The following JUNB variants were observed in gnomAD, a reference collection of about 807,000 sequenced individuals.
JUNB encodes the protein transcription factor JunB.
A neutral mutation model predicts 16.4 loss-of-function variants in JUNB; 6 were observed. That is an observed-to-expected ratio of 0.37 (90% CI 0.20 to 0.72). The LOEUF (loss-of-function observed/expected upper bound fraction) is 0.72. JUNB is among the 30% of genes least tolerant of loss of function. The pLI, the probability that JUNB is intolerant of heterozygous loss-of-function variation, is 0.53. For synonymous variants in JUNB, 226 were observed against 232.8 expected, an observed-to-expected ratio of 0.97 and a Z score of 0.27; for missense variants, 389 against 492.9, an observed-to-expected ratio of 0.79 and a Z score of 2.00.
rs751179343 is a variant in JUNB, at chr19:12,791,807, C to T, written c.36C>T (p.Asp12=). ...AAATGGAACAGCCCTTCTACCACGA[C>T]GACTCATACACAGCTACGGGATACG... ...CTKMEQPFYH[D]DSYTATGYGR... Residue 12 remains aspartate (D), a synonymous_variant, in exon 1 of 1, where the codon GAC becomes GAT. Coordinates refer to ENST00000302754, the MANE Select transcript of JUNB (RefSeq NM_002229.3). This position sits in a 1 kb window ranked among gnomAD's most constrained non-coding sequence, Gnocchi z 7.0. 35 of 1,612,664 alleles carry T rather than the reference C, an allele frequency of 2.2e-5. No individual in the cohort carries two copies. Among genetic ancestry groups the T allele is most frequent in the Admixed American group, 2.0e-4 (12 of 59,838 alleles).
In JUNB at chr19:12,792,687, G is replaced by T; in HGVS notation, c.916G>T (p.Glu306Ter). ...GGACAAGGTGAAGACGCTCAAGGCC[G>T]AGAACGCGGGGCTGTCGAGTACCGC... ...LEDKVKTLKA[E>*]NAGLSSTAGL... The change falls in exon 1 of 1, where the codon GAG (glutamate) becomes TAG (stop). Residue 306 changes from glutamate (E) to a stop codon, truncating the protein, a stop_gained. Transcript: ENST00000302754. LOFTEE classifies it high-confidence loss of function. 6.3e-7 allele frequency: 1 copy of T among 1,588,560 alleles called. No individual in the cohort carries two copies. Among genetic ancestry groups the T allele is most frequent in the Non-Finnish European group, 8.6e-7 (1 of 1,168,428 alleles).
chr19:12,791,545 A>C lies in JUNB; in HGVS notation c.-227A>C. On this transcript the variant is annotated 5_prime_UTR_variant, in exon 1 of 1. Transcript: ENST00000302754. This position sits in a 1 kb window ranked among gnomAD's most constrained non-coding sequence, Gnocchi z 7.0. ...CAGCAGGGAGCTGGGAGCTGGGGGA[A>C]ACGACGCCAGGAAAGCTATCGCGCC... 2.1e-6 allele frequency: 1 copy of C among 477,624 alleles called. No individual in the cohort carries two copies. 29.6% of individuals were successfully genotyped at this position (477,624 alleles called of 1,614,324 possible).
chr19:12,792,852 G>T lies in JUNB; in HGVS notation c.*37G>T. ...CCCTTTACGGACACCCCCTCGCTTG[G>T]ACGGCTGGGCACACGCCTCCCACTG... is the stretch of plus-strand genomic sequence containing the variant. On this transcript the variant is annotated 3_prime_UTR_variant, in exon 1 of 1. Transcript: ENST00000302754. 3 of 1,568,748 alleles carry T rather than the reference G, an allele frequency of 1.9e-6. No individual in the cohort carries two copies. Among genetic ancestry groups the T allele is most frequent in the Non-Finnish European group, 2.6e-6 (3 of 1,151,010 alleles).
Position 12,791,661 on chromosome 19 carries a change from C to A in JUNB, c.-111C>A. ...ACCCGCCCGCGCCAGCCCCCGAGAA[C>A]GCGCGACCAGGCACCCAGTCCGGTC... On this transcript the variant is annotated 5_prime_UTR_variant, in exon 1 of 1. Coordinates refer to ENST00000302754, the MANE Select transcript of JUNB (RefSeq NM_002229.3). The surrounding 1 kb of genome is among the most constrained non-coding windows in gnomAD (Gnocchi z 7.0). 1.3e-6 allele frequency: 1 copy of A among 754,830 alleles called. No individual in the cohort carries two copies. The highest frequency in any genetic ancestry group is 2.0e-6 in the Non-Finnish European group (1 of 505,918). 46.8% of individuals were successfully genotyped at this position (754,830 alleles called of 1,614,324 possible). A position where few individuals can be genotyped will look rare whatever the true frequency, so the allele number is the denominator to read the frequency against.
At position 12,792,417 on chromosome 19, in the gene JUNB, C is replaced by G; in HGVS notation, c.646C>G (p.Leu216Val). 1 of 1,601,850 alleles carries G rather than the reference C, an allele frequency of 6.2e-7. No homozygotes were observed. The highest frequency in any genetic ancestry group is 8.5e-7 in the Non-Finnish European group (1 of 1,177,306). ...SSYPTTTISY[L>V]PHAPPFAGGH... Reference sequence around the variant, plus strand: ...GTACCCGACGACCACCATCAGCTACCTCCCACACGCGCCGCCCTTCGCCGG... The same window carrying G: ...GTACCCGACGACCACCATCAGCTACGTCCCACACGCGCCGCCCTTCGCCGG... The change falls in exon 1 of 1, where the codon CTC (leucine) becomes GTC (valine). Residue 216 changes from leucine (L) to valine (V), a missense_variant. Physicochemically the swap from Leu to Val is conservative, Grantham distance 32. Transcript: ENST00000302754.
Position 12,792,956 on chromosome 19 carries a change from C to T in JUNB, c.*141C>T, listed in dbSNP as rs1968739030. ...ACCACACTGGACTCCGGCCCTCCTACCCTGCGCCCAGTCCTTCCACCTCGA... is the reference window on the plus strand; with the variant it reads ...ACCACACTGGACTCCGGCCCTCCTATCCTGCGCCCAGTCCTTCCACCTCGA... On this transcript the variant is annotated 3_prime_UTR_variant, in exon 1 of 1. Coordinates refer to ENST00000302754, the MANE Select transcript of JUNB (RefSeq NM_002229.3). 1 of 884,294 alleles carries T rather than the reference C, an allele frequency of 1.1e-6. No individual in the cohort carries two copies. The highest frequency in any genetic ancestry group is 1.7e-6 in the Non-Finnish European group (1 of 585,272). The allele number at this position is 884,294 out of a possible 1,614,324, so 54.8% of individuals were successfully genotyped here.
In JUNB at chr19:12,792,929, A is replaced by C; in HGVS notation, c.*114A>C. 1 of 1,227,898 alleles carries C rather than the reference A, an allele frequency of 8.1e-7. No individual in the cohort carries two copies. The highest frequency in any genetic ancestry group is 1.5e-5 in the South Asian group (1 of 64,914). The allele number at this position is 1,227,898 out of a possible 1,614,324, so 76.1% of individuals were successfully genotyped here. ...CCACCCTGGGACCTAGGGGCGCCGC[A>C]AACCACACTGGACTCCGGCCCTCCT... On this transcript the variant is annotated 3_prime_UTR_variant, in exon 1 of 1. Coordinates refer to ENST00000302754, the MANE Select transcript of JUNB (RefSeq NM_002229.3).
Position 12,792,743 on chromosome 19 carries a change from C to T in JUNB, c.972C>T (p.Leu324=). 6.2e-7 allele frequency: 1 copy of T among 1,611,744 alleles called. No homozygotes were observed. The highest frequency in any genetic ancestry group is 8.5e-7 in the Non-Finnish European group (1 of 1,179,196). ...TCCTCCGGGAGCAGGTGGCCCAGCT[C>T]AAACAGAAGGTCATGACCCACGTCA... ...AGLLREQVAQ[L]KQKVMTHVSN... Residue 324 remains leucine (L), a synonymous_variant, in exon 1 of 1, where the codon CTC becomes CTT. Transcript: ENST00000302754.
Position 12,792,209 on chromosome 19 carries a change from G to A in JUNB, c.438G>A (p.Leu146=). Residue 146 remains leucine (L), a synonymous_variant, in exon 1 of 1, where the codon CTG becomes CTA. Transcript: ENST00000302754. Reference sequence around the variant, plus strand: ...GCTTTGTCAAAGCCCTGGACGATCTGCACAAGATGAACCACGTGACACCCC... The same window carrying A: ...GCTTTGTCAAAGCCCTGGACGATCTACACAAGATGAACCACGTGACACCCC... The part of the protein sequence containing the change: ...ADGFVKALDD[L]HKMNHVTPPN... 6.4e-7 allele frequency: 1 copy of A among 1,557,226 alleles called. No homozygotes were observed. The highest frequency in any genetic ancestry group is 8.7e-7 in the Non-Finnish European group (1 of 1,149,646).
rs1413331290 is a variant in JUNB at position 12,792,639 on chromosome 19, C to T, written c.868C>T (p.Leu290=). ...GGCCACCAAGTGCCGGAAGCGGAAG[C>T]TGGAGCGCATCGCGCGCCTGGAGGA... ...LAATKCRKRK[L]ERIARLEDKV... is the part of the protein sequence containing the mutation. The change falls in exon 1 of 1, where the codon CTG becomes TTG. Residue 290 remains leucine, a synonymous_variant. Transcript: ENST00000302754. 6.4e-7 allele frequency: 1 copy of T among 1,562,234 alleles called. No homozygotes were observed. The highest frequency in any genetic ancestry group is 8.7e-7 in the Non-Finnish European group (1 of 1,154,666).
rs1348329488 is a variant in JUNB, at chr19:12,792,364, C to G, written c.593C>G (p.Ala198Gly). The G allele has an allele frequency of 1.9e-6, 3 of 1,551,604 alleles. No homozygotes were observed. Among genetic ancestry groups the G allele is most frequent in the Non-Finnish European group, 8.7e-7 (1 of 1,149,522 alleles). ...YSPASASSGGAGAAVGTGSSY... is the reference protein window; with the variant it reads ...YSPASASSGGGGAAVGTGSSY... Reference sequence around the variant, plus strand: ...CCAGCCTCTGCGTCCTCGGGAGGCGCCGGGGCTGCCGTCGGGACCGGGAGC... The same window carrying G: ...CCAGCCTCTGCGTCCTCGGGAGGCGGCGGGGCTGCCGTCGGGACCGGGAGC... Residue 198 changes from alanine to glycine, a missense_variant, in exon 1 of 1, where the codon GCC (alanine) becomes GGC (glycine). Coordinates refer to ENST00000302754, the MANE Select transcript of JUNB (RefSeq NM_002229.3).
In JUNB at chr19:12,792,253, C is replaced by G; in HGVS notation, c.482C>G (p.Ala161Gly). The change falls in exon 1 of 1, where the codon GCT becomes GGT. Residue 161 changes from alanine to glycine, a missense_variant. Physicochemically the swap from Ala to Gly is moderately conservative, Grantham distance 60. Around this residue, in one of 2 missense-constraint regions of JUNB, gnomAD observed 349 missense variants for 389.8 expected, o/e 0.90. Coordinates refer to ENST00000302754, the MANE Select transcript of JUNB (RefSeq NM_002229.3). ...ACACCCCCCAACGTGTCCCTGGGCGCTACCGGGGGGCCCCCGGCTGGGCCC... is the reference window on the plus strand; with the variant it reads ...ACACCCCCCAACGTGTCCCTGGGCGGTACCGGGGGGCCCCCGGCTGGGCCC... ...HVTPPNVSLG[A>G]TGGPPAGPGG... is the part of the protein sequence containing the mutation. 6.7e-7 allele frequency: 1 copy of G among 1,502,450 alleles called. No individual in the cohort carries two copies. Among genetic ancestry groups the G allele is most frequent in the South Asian group, 1.3e-5 (1 of 78,408 alleles). 93.1% of individuals were successfully genotyped at this position (1,502,450 alleles called of 1,614,324 possible).
Position 12,792,028 on chromosome 19 carries a change from A to G in JUNB, c.257A>G (p.Glu86Gly). Reference protein sequence around the residue: ...TGASLKLASSELERLIVPNSN... With the variant: ...TGASLKLASSGLERLIVPNSN... ...GCGTCTCTCAAGCTCGCCTCTTCGG[A>G]GCTGGAACGCCTGATTGTCCCCAAC... is the stretch of plus-strand genomic sequence containing the variant. Residue 86 changes from glutamate to glycine, a missense_variant, in exon 1 of 1, where the codon GAG becomes GGG. This residue lies in a region of JUNB where 349 missense variants were observed against 389.8 expected (regional missense o/e 0.90). Coordinates refer to ENST00000302754, the MANE Select transcript of JUNB (RefSeq NM_002229.3). 1 of 1,611,286 alleles carries G rather than the reference A, an allele frequency of 6.2e-7. No homozygotes were observed. The highest frequency in any genetic ancestry group is 8.5e-7 in the Non-Finnish European group (1 of 1,179,320).
At position 12,791,525 on chromosome 19, in the gene JUNB, G is replaced by A; in HGVS notation, c.-247G>A. ...GGCCAGGCCAGCCTCGGAGCCAGCA[G>A]GGAGCTGGGAGCTGGGGGAAACGAC... On this transcript the variant is annotated 5_prime_UTR_variant, in exon 1 of 1. Transcript: ENST00000302754. The surrounding 1 kb of genome is among the most constrained non-coding windows in gnomAD (Gnocchi z 7.0). The A allele has an allele frequency of 2.2e-6, 1 of 454,938 alleles. No homozygotes were observed. The highest frequency in any genetic ancestry group is 3.9e-6 in the Non-Finnish European group (1 of 257,596). The allele number at this position is 454,938 out of a possible 1,614,324, so 28.2% of individuals were successfully genotyped here. A position where few individuals can be genotyped will look rare whatever the true frequency, so the allele number is the denominator to read the frequency against.
At position 12,792,422 on chromosome 19, in the gene JUNB, A is replaced by C; in HGVS notation, c.651A>C (p.Pro217=). Residue 217 remains proline, a synonymous_variant, in exon 1 of 1, where the codon CCA becomes CCC. Transcript: ENST00000302754. The part of the protein sequence containing the change: ...SYPTTTISYL[P]HAPPFAGGHP... ...CGACGACCACCATCAGCTACCTCCC[A>C]CACGCGCCGCCCTTCGCCGGTGGCC... 6.2e-7 allele frequency: 1 copy of C among 1,601,806 alleles called. No homozygotes were observed. The highest frequency in any genetic ancestry group is 8.5e-7 in the Non-Finnish European group (1 of 1,177,326).
In JUNB at chr19:12,793,017, G is replaced by T; in HGVS notation, c.*202G>T. ...CCCCCCCTTCCACTTTTTTTTGTAT[G>T]TTTTTTTTCTGCTGGAAACAGACTC... On this transcript the variant is annotated 3_prime_UTR_variant, in exon 1 of 1. Coordinates refer to ENST00000302754, the MANE Select transcript of JUNB (RefSeq NM_002229.3). The surrounding 1 kb of genome is among the most constrained non-coding windows in gnomAD (Gnocchi z 6.1). 1.7e-6 allele frequency: 1 copy of T among 576,754 alleles called. No homozygotes were observed. The highest frequency in any genetic ancestry group is 3.2e-6 in the Non-Finnish European group (1 of 316,900). The allele number at this position is 576,754 out of a possible 1,614,324, so 35.7% of individuals were successfully genotyped here.
Position 12,791,944 on chromosome 19 carries a change from C to G in JUNB, c.173C>G (p.Pro58Arg), listed in dbSNP as rs917127281. Residue 58 changes from proline (P) to arginine (R), a missense_variant, in exon 1 of 1, where the codon CCC becomes CGC. Pro to Arg is a moderately radical substitution (Grantham distance 103). Around this residue, in one of 2 missense-constraint regions of JUNB, gnomAD observed 349 missense variants for 389.8 expected, o/e 0.90. Coordinates refer to ENST00000302754, the MANE Select transcript of JUNB (RefSeq NM_002229.3). This position sits in a 1 kb window ranked among gnomAD's most constrained non-coding sequence, Gnocchi z 7.0. The part of the protein sequence containing the change: ...RSLKAPGARG[P>R]GPEGGGGGSY... ...CTCAAAGCGCCTGGGGCTCGCGGAC[C>G]CGGCCCAGAGGGCGGCGGTGGCGGC... 20 of 1,611,380 alleles carry G rather than the reference C, an allele frequency of 1.2e-5. No individual in the cohort carries two copies. The highest frequency in any genetic ancestry group is 1.7e-5 in the Non-Finnish European group (20 of 1,179,486).
chr19:12,791,961 G>A lies in JUNB; in HGVS notation c.190G>A (p.Gly64Ser). ...TCGCGGACCCGGCCCAGAGGGCGGCGGTGGCGGCAGCTACTTTTCTGGTCA... is the reference window on the plus strand; with the variant it reads ...TCGCGGACCCGGCCCAGAGGGCGGCAGTGGCGGCAGCTACTTTTCTGGTCA... ...GARGPGPEGG[G>S]GGSYFSGQGS... The change falls in exon 1 of 1, where the codon GGT becomes AGT. Residue 64 changes from glycine to serine, a missense_variant. Physicochemically the swap from Gly to Ser is moderately conservative, Grantham distance 56. Around this residue, in one of 2 missense-constraint regions of JUNB, gnomAD observed 349 missense variants for 389.8 expected, o/e 0.90. Coordinates refer to ENST00000302754, the MANE Select transcript of JUNB (RefSeq NM_002229.3). The surrounding 1 kb of genome is among the most constrained non-coding windows in gnomAD (Gnocchi z 7.0). 6.2e-7 allele frequency: 1 copy of A among 1,611,084 alleles called. No individual in the cohort carries two copies. Among genetic ancestry groups the A allele is most frequent in the Non-Finnish European group, 8.5e-7 (1 of 1,179,320 alleles).
rs745319469 is a variant in JUNB, at chr19:12,792,807, G to A, written c.1036G>A (p.Ala346Thr). ...GCTGCTGCTTGGGGTCAAGGGACAC[G>A]CCTTCTGAACGTCCCCTGCCCCTTT... Reference protein sequence around the residue: ...CQLLLGVKGHAF With the variant: ...CQLLLGVKGHTF The change falls in exon 1 of 1, where the codon GCC (alanine) becomes ACC (threonine). Residue 346 changes from alanine to threonine, a missense_variant. Physicochemically the swap from Ala to Thr is moderately conservative, Grantham distance 58. Transcript: ENST00000302754. The A allele has an allele frequency of 1.8e-5, 28 of 1,597,850 alleles. No individual in the cohort carries two copies. The highest frequency in any genetic ancestry group is 2.4e-5 in the Non-Finnish European group (28 of 1,167,626).
Sources: allele counts gnomAD v4.1 joint callset, GRCh38; gene constraint gnomAD v4.1.1; regional missense constraint gnomAD v4.1.1; non-coding constraint Gnocchi (gnomAD v3.1); transcripts MANE v1.5; gene names NCBI Gene and HGNC (gene_info 2026-07-23, HGNC 2026-07-21).